MEI4: variants seen among roughly 807,000 people sequenced by gnomAD.
The protein encoded by MEI4 is meiosis-specific protein MEI4.
Under a neutral mutation model 31.4 loss-of-function variants are expected in MEI4, and 27 were observed. The observed-to-expected ratio is 0.86, with a 90% CI of 0.63 to 1.19. The LOEUF (loss-of-function observed/expected upper bound fraction) is 1.19, where lower values mean the gene tolerates loss of function less well. Ranked by LOEUF, MEI4 falls within the 50% of genes most tolerant of loss-of-function variation. The pLI, the probability that MEI4 is intolerant of heterozygous loss-of-function variation, is 0.00. For synonymous variants in MEI4, 122 were observed against 145.4 expected, an observed-to-expected ratio of 0.84 and a Z score of 1.16; for missense variants, 329 against 398.9, an observed-to-expected ratio of 0.82 and a Z score of 1.49.
chr6:77,760,823 C>T (rs191389499), intron 2 of MEI4, among the ~76,000 whole-genome samples: 1 of 152,270 alleles, frequency 6.6e-6, no homozygotes, highest in East Asian at 1.9e-4. Context: ...CTGTGACCTC[C>T]TTCAGGTCTT....
At chr6:77,841,333 A>ATATTTTTTTTTTTTTTTTTT in intron 4 of MEI4, among the ~76,000 whole-genome samples, 1 of 27,748 alleles carries the variant, frequency 3.6e-5, no homozygotes, top group African/African-American at 3.3e-4. Context: ...ATATATATAT[A>ATATTTTTTTTTTTTTTTTTT]TTTTTTTTTT....
At chr6:77,900,606 A>G (rs144121605) in intron 4 of MEI4, among the ~76,000 whole-genome samples, 229 of 152,088 alleles carry the variant, frequency 1.5e-3, no homozygotes, top group African/African-American at 5.0e-3. Context: ...CAATGAATAC[A>G]TGGCATCTGT....
At position 77,726,457 on chromosome 6, in the gene MEI4, G is replaced by A. The variant is rs140902414; in HGVS notation, c.233-34673G>A. On this transcript the variant is annotated intron_variant, in intron 2 of 4. Transcript: ENST00000684080. Reference sequence around the variant, plus strand: ...AGAAAACTGCGGGCATGTGGTTAGGGATTTTCAGAGAAGAGACAGCATGTG... The same window carrying A: ...AGAAAACTGCGGGCATGTGGTTAGGAATTTTCAGAGAAGAGACAGCATGTG... 1.4e-3 allele frequency among the ~76,000 whole-genome samples: 213 copies of A among 152,288 alleles called. 1 individual carries two copies. Among genetic ancestry groups the A allele is most frequent in the African/African-American group, 4.5e-3 (187 of 41,558 alleles).
chr6:77,651,279 G>A (rs1282790201), upstream of MEI4, among the ~76,000 whole-genome samples: 3 of 152,196 alleles, frequency 2.0e-5, no homozygotes, highest in Non-Finnish European at 4.4e-5. Flanking sequence ...TATGTATGGA[G>A]AAAACAGTGT....
chr6:77,834,606 A>T (rs1413316238), intron 4 of MEI4, among the ~76,000 whole-genome samples: 1 of 152,010 alleles, frequency 6.6e-6, no homozygotes, highest in Non-Finnish European at 1.5e-5. Flanking sequence ...TTGCCAGTCC[A>T]GCTGAGGGTC....
intron 4 of MEI4, among the ~76,000 whole-genome samples, chr6:77,871,339 T>C (rs1019748159): frequency 6.6e-6 from 1 of 152,118 alleles, no homozygotes; most frequent in African/African-American, 2.4e-5. Context: ...TTTGAGAAAA[T>C]ATAATCATGC....
chr6:77,832,781 C>A (rs759497318), intron 4 of MEI4, among the ~76,000 whole-genome samples: 4 of 152,150 alleles, frequency 2.6e-5, no homozygotes, highest in African/African-American at 9.6e-5. Context: ...ATTGACTAAC[C>A]ATGTCAGTTA....
At chr6:77,769,583 C>T (rs2127686003) in intron 3 of MEI4, among the ~76,000 whole-genome samples, 1 of 152,160 alleles carries the variant, frequency 6.6e-6, no homozygotes, top group African/African-American at 2.4e-5. Context: ...CAGATTGTAC[C>T]TCCAAGACCC....
intron 2 of MEI4, among the ~76,000 whole-genome samples, chr6:77,744,606 G>A (rs1375885108): frequency 1.3e-5 from 2 of 152,202 alleles, no homozygotes; most frequent in East Asian, 3.9e-4. Context: ...TCAGATTCAG[G>A]AAATACAGAG....
chr6:77,711,630 T>C (rs1766468917), intron 2 of MEI4, among the ~76,000 whole-genome samples: 1 of 152,222 alleles, frequency 6.6e-6, no homozygotes, highest in Non-Finnish European at 1.5e-5. Flanking sequence ...CTGGCACAGC[T>C]GGGTTTGGAC....
At chr6:77,803,745 C>G (rs531342606) in intron 3 of MEI4, among the ~76,000 whole-genome samples, 12 of 152,264 alleles carry the variant, frequency 7.9e-5, no homozygotes, top group African/African-American at 2.9e-4. Flanking sequence ...CACTCCAGAC[C>G]CTGTTTGCCT....
chr6:77,775,155 CTTAAT>C (rs1231092919), intron 3 of MEI4, among the ~76,000 whole-genome samples: 1 of 152,088 alleles, frequency 6.6e-6, no homozygotes, highest in Non-Finnish European at 1.5e-5. Flanking sequence ...ATCTCAGATT[CTTAAT>C]TTAATCATCT....
Position 77,677,601 on chromosome 6 carries a change from T to G in MEI4, c.-14-13057T>G, listed in dbSNP as rs139596865. On this transcript the variant is annotated intron_variant, in intron 1 of 4. Coordinates refer to ENST00000684080, the MANE Select transcript of MEI4 (RefSeq NM_001322247.2). ...TTTCATTTCTCAGACAGAAGTAGGA[T>G]TATGGCAGTATTCTGTTAAATGGCC... 7.9e-4 allele frequency among the ~76,000 whole-genome samples: 120 copies of G among 152,318 alleles called. No individual in the cohort carries two copies. In the East Asian group the frequency reaches 0.02, roughly 25 times the overall value.
chr6:77,762,502 A>T (rs1033109482), intron 3 of MEI4, among the ~76,000 whole-genome samples: 1 of 152,200 alleles, frequency 6.6e-6, no homozygotes, highest in East Asian at 1.9e-4. Flanking sequence ...AATAGAAGAA[A>T]CTAAAAGGTC....
chr6:77,891,677 T>C (rs1381519386), intron 4 of MEI4, among the ~76,000 whole-genome samples: 1 of 152,256 alleles, frequency 6.6e-6, no homozygotes, highest in African/African-American at 2.4e-5. Flanking sequence ...GAAATTGTCA[T>C]GTTTCCTTGC....
chr6:77,803,287 G>A (rs144225064), intron 3 of MEI4, among the ~76,000 whole-genome samples: 20,971 of 151,946 alleles, frequency 0.14, 1,535 homozygotes, highest in Middle Eastern at 0.21. Context: ...TTGTGCATTC[G>A]TCACATAGCT....
chr6:77,697,686 A>T (rs1038074784), intron 2 of MEI4, among the ~76,000 whole-genome samples: 1 of 152,158 alleles, frequency 6.6e-6, no homozygotes, highest in African/African-American at 2.4e-5. Context: ...TTTACTTCCA[A>T]CTATGTGGTC....
At chr6:77,704,010 A>G (rs1766279484) in intron 2 of MEI4, among the ~76,000 whole-genome samples, 1 of 152,208 alleles carries the variant, frequency 6.6e-6, no homozygotes, top group Non-Finnish European at 1.5e-5. Context: ...AGAGAAAAGT[A>G]GAAGATACAG....
At chr6:77,910,581 C>G (rs1354869835) in intron 4 of MEI4, among the ~76,000 whole-genome samples, 2 of 152,112 alleles carry the variant, frequency 1.3e-5, no homozygotes, top group Non-Finnish European at 2.9e-5. Context: ...AAGAACATTC[C>G]ACGCTCATGG....
Sources: allele counts gnomAD v4.1 joint callset (sites outside exome capture counted in the v4.1 genomes callset), GRCh38; gene constraint gnomAD v4.1.1; transcripts MANE v1.5; gene names NCBI Gene and HGNC (gene_info 2026-07-23, HGNC 2026-07-21).